NAMPT: variants seen among roughly 807,000 people sequenced by gnomAD.
NAMPT encodes nicotinamide phosphoribosyltransferase.
In NAMPT, 7 loss-of-function variants were observed where a neutral mutation model predicts 58.7. The observed-to-expected ratio is 0.12, with a 90% CI of 0.07 to 0.22. The LOEUF (loss-of-function observed/expected upper bound fraction) is 0.22. Among genes scored for constraint, NAMPT ranks in the 10% least tolerant of loss-of-function variants. NAMPT has a pLI of 1.00. For missense variants in NAMPT, 271 were observed against 567.9 expected, an observed-to-expected ratio of 0.48 and a Z score of 5.31; for synonymous variants, 145 against 198.1, an observed-to-expected ratio of 0.73 and a Z score of 2.25.
At chr7:106,252,525 C>A (rs1483949979) in intron 10 of NAMPT, among the ~76,000 whole-genome samples, 9 of 151,608 alleles carry the variant, frequency 5.9e-5, no homozygotes, top group African/African-American at 2.4e-5. Flanking sequence ...TTTTTTTGAT[C>A]AAGTGGCTTA....
At chr7:106,273,762 G>A (rs907169958) in intron 3 of NAMPT, among the ~76,000 whole-genome samples, 4 of 152,136 alleles carry the variant, frequency 2.6e-5, no homozygotes, top group Non-Finnish European at 5.9e-5. Context: ...ACAGGTGATA[G>A]CTCACAGATT....
At chr7:106,277,434 A>G (rs576977017) in intron 1 of NAMPT, among the ~76,000 whole-genome samples, 1 of 152,224 alleles carries the variant, frequency 6.6e-6, no homozygotes, top group Admixed American at 6.5e-5. Flanking sequence ...TCTAGGTTGG[A>G]AAAGTATTTC....
chr7:106,271,277 A>T (rs1013499898), intron 4 of NAMPT, among the ~76,000 whole-genome samples: 2 of 152,174 alleles, frequency 1.3e-5, no homozygotes, highest in Non-Finnish European at 2.9e-5. Flanking sequence ...CATTCTAAGA[A>T]CACTGTGCCA....
rs1195062278 is a variant in NAMPT, at chr7:106,267,864, A to AAAC, written c.743+599_743+600insGTT. Among the ~76,000 whole-genome samples, 219 of 135,366 alleles carry AAAC rather than the reference A, an allele frequency of 1.6e-3. 2 individuals carry two copies. Among genetic ancestry groups the AAAC allele is most frequent in the African/African-American group, 5.7e-3 (200 of 35,180 alleles). The allele number at this position is 135,366 out of a possible 152,430, so 88.8% of individuals were successfully genotyped here. A position where few individuals can be genotyped will look rare whatever the true frequency, so the allele number is the denominator to read the frequency against. ...TCAAAAAAAAAAAAAAAAAAAAAAA[A>AAAC]AAAAAAAAAAAACAACCTGATTTAC... On this transcript the variant is annotated intron_variant, in intron 6 of 10. Transcript: ENST00000222553.
chr7:106,281,247 T>C (rs188757870), intron 1 of NAMPT, among the ~76,000 whole-genome samples: 2 of 151,930 alleles, frequency 1.3e-5, no homozygotes, highest in Non-Finnish European at 2.9e-5. Flanking sequence ...ATGACACATA[T>C]ATTTCAGTTG....
chr7:106,285,263 G>C (rs958743982), upstream of NAMPT: 45 of 822,518 alleles, frequency 5.5e-5, no homozygotes, highest in Admixed American at 2.0e-3. Context: ...CCAGACGCCA[G>C]CTCTGGGAAG....
intron 8 of NAMPT, among the ~76,000 whole-genome samples, chr7:106,255,133 A>AATG (rs1328683748): frequency 6.6e-6 from 1 of 152,110 alleles, no homozygotes; most frequent in African/African-American, 2.4e-5. Flanking sequence ...TTTTTGGGAG[A>AATG]ATGATTAGTT....
At chr7:106,266,894 T>C (rs1327631608) in intron 6 of NAMPT, among the ~76,000 whole-genome samples, 2 of 152,132 alleles carry the variant, frequency 1.3e-5, no homozygotes, top group Non-Finnish European at 2.9e-5. Flanking sequence ...GATGTGCACA[T>C]AGTTAACATT....
chr7:106,272,771 T>C (rs1792560514), intron 3 of NAMPT, 113 bp from the exon 4 acceptor site: 1 of 1,156,984 alleles, frequency 8.6e-7, no homozygotes, highest in Admixed American at 2.2e-5. Context: ...TCATAGAAAT[T>C]GCAATTGTAG....
intron 8 of NAMPT, among the ~76,000 whole-genome samples, chr7:106,255,880 T>C (rs1229064494): frequency 6.6e-6 from 1 of 152,138 alleles, no homozygotes; most frequent in Non-Finnish European, 1.5e-5. Context: ...AGGTAAAATA[T>C]AGAGAAAATA....
Position 106,248,798 on chromosome 7 carries a change from A to G in NAMPT, c.*2285T>C, listed in dbSNP as rs1792060289. On this transcript the variant is annotated 3_prime_UTR_variant, in exon 11 of 11. Transcript: ENST00000222553. The stretch of plus-strand genomic sequence containing the variant: ...GACACACAGCAGAGTTCTAGTGGAC[A>G]TTCGTGTTAACCGTTTGGTGCTCAG... 6.6e-6 allele frequency: 1 copy of G among 152,116 alleles called. No homozygotes were observed. The highest frequency in any genetic ancestry group is 1.5e-5 in the Non-Finnish European group (1 of 67,978). 9.4% of individuals were successfully genotyped at this position (152,116 alleles called of 1,614,324 possible).
intron 1 of NAMPT, among the ~76,000 whole-genome samples, chr7:106,279,822 G>C (rs975160100): frequency 1.3e-5 from 2 of 152,184 alleles, no homozygotes; most frequent in African/African-American, 2.4e-5. Flanking sequence ...TGATGGGCTA[G>C]AGGGGGCCAG....
rs938411741 is a variant in NAMPT, at chr7:106,268,321, T to C, written c.743+143A>G. On this transcript the variant is annotated intron_variant, in intron 6 of 10. Coordinates refer to ENST00000222553, the MANE Select transcript of NAMPT (RefSeq NM_005746.3). Reference sequence around the variant, plus strand: ...TCTCTAAGACTAATGTTTATACTTTTGTATAAATACTGAATTTGTGTTGCT... The same window carrying C: ...TCTCTAAGACTAATGTTTATACTTTCGTATAAATACTGAATTTGTGTTGCT... The C allele has an allele frequency of 5.6e-5, 40 of 720,568 alleles. No homozygotes were observed. The Middle Eastern group carries it at 1.2e-3, about 22-fold the overall frequency. 44.6% of individuals were successfully genotyped at this position (720,568 alleles called of 1,614,324 possible). A position where few individuals can be genotyped will look rare whatever the true frequency, so the allele number is the denominator to read the frequency against.
chr7:106,277,537 G>A (rs1792672468), intron 1 of NAMPT, among the ~76,000 whole-genome samples: 1 of 152,194 alleles, frequency 6.6e-6, no homozygotes. Context: ...TGAACTGAAA[G>A]ACAGCAGAAT....
rs140309389 is a variant in NAMPT, at chr7:106,273,491, C to T, written c.319-833G>A. ...AGTGTATAGCAAAAAGAACATTGCCCTACAGGTCCTAGTTTGGACTCAAAA... is the reference window on the plus strand; with the variant it reads ...AGTGTATAGCAAAAAGAACATTGCCTTACAGGTCCTAGTTTGGACTCAAAA... On this transcript the variant is annotated intron_variant, in intron 3 of 10. Transcript: ENST00000222553. Among the ~76,000 whole-genome samples, 11 of 152,238 alleles carry T rather than the reference C, an allele frequency of 7.2e-5. No homozygotes were observed. In the East Asian group the frequency reaches 1.7e-3, roughly 24 times the overall value.
intron 8 of NAMPT, among the ~76,000 whole-genome samples, chr7:106,259,084 C>CTGT (rs1391326928): frequency 1.3e-5 from 2 of 152,228 alleles, no homozygotes; most frequent in African/African-American, 4.8e-5. Flanking sequence ...CAACGATGTT[C>CTGT]ACAGCATCTT....
At chr7:106,254,006 G>A (rs759858668) in intron 9 of NAMPT, among the ~76,000 whole-genome samples, 2 of 152,046 alleles carry the variant, frequency 1.3e-5, no homozygotes, top group African/African-American at 2.4e-5. Flanking sequence ...AGTTTGGTCA[G>A]TGATTATATA....
intron 6 of NAMPT, 185 bp downstream of exon 6, chr7:106,268,279 G>T: frequency 5.9e-6 from 3 of 504,466 alleles, no homozygotes; most frequent in South Asian, 6.8e-5. Flanking sequence ...TTCTAGCATG[G>T]ATAAAATTTC....
intron 4 of NAMPT, among the ~76,000 whole-genome samples, chr7:106,271,090 TTTTC>T (rs144162776): frequency 0.26 from 39,126 of 151,138 alleles, 5,807 homozygotes; most frequent in South Asian, 0.44. Context: ...AACAAGTTTT[TTTTC>T]TTTTTTTCCA....
Sources: allele counts gnomAD v4.1 joint callset (sites outside exome capture counted in the v4.1 genomes callset), GRCh38; gene constraint gnomAD v4.1.1; transcripts MANE v1.5; gene names NCBI Gene and HGNC (gene_info 2026-07-23, HGNC 2026-07-21).